Variants in SMARCC1 observed in about 807,000 individuals in gnomAD.
The protein encoded by SMARCC1 is SWI/SNF related BAF chromatin remodeling complex subunit C1.
In SMARCC1, 43 loss-of-function variants were observed where a neutral mutation model predicts 147.4. That is an observed-to-expected ratio of 0.29 (90% CI 0.23 to 0.38). The LOEUF is 0.38. Among genes scored for constraint, SMARCC1 ranks in the 10% least tolerant of loss-of-function variants. The pLI is 1.00. For missense variants in SMARCC1, 1,119 were observed against 1,381.1 expected, an observed-to-expected ratio of 0.81 and a Z score of 3.01; for synonymous variants, 495 against 484.4, an observed-to-expected ratio of 1.02 and a Z score of -0.29.
At chr3:47,707,997 TTATGAGTATG>T (rs1418354973) in intron 9 of SMARCC1, among the ~76,000 whole-genome samples, 1 of 151,388 alleles carries the variant, frequency 6.6e-6, no homozygotes, top group Non-Finnish European at 1.5e-5. Context: ...CTTAAACACC[TTATGAGTATG>T]TAATAGCAGT....
intron 8 of SMARCC1, 105 bp from the exon 9 acceptor site, chr3:47,710,913 G>C: frequency 2.6e-6 from 2 of 773,400 alleles, no homozygotes; most frequent in Non-Finnish European, 4.0e-6. Context: ...AGCCTCAAAT[G>C]CATAAAACAT....
intron 9 of SMARCC1, among the ~76,000 whole-genome samples, chr3:47,707,633 G>A (rs1299356770): frequency 6.6e-6 from 1 of 152,102 alleles, no homozygotes. Flanking sequence ...CAGCACTTTG[G>A]GAGGCCGAGG....
chr3:47,777,347 T>C (rs1393213496), intron 1 of SMARCC1, among the ~76,000 whole-genome samples: 2 of 151,658 alleles, frequency 1.3e-5, no homozygotes, highest in Admixed American at 6.6e-5. Context: ...CCTCCCAAAG[T>C]GCTGGGATTA....
chr3:47,767,442 G>A (rs2034853809), intron 2 of SMARCC1, among the ~76,000 whole-genome samples: 1 of 132,014 alleles, frequency 7.6e-6, no homozygotes, highest in Non-Finnish European at 1.6e-5. Context: ...GTTTCTCCAT[G>A]TTGGTCAGGC....
rs558246861 is a variant in SMARCC1 at position 47,731,418 on chromosome 3, CA to C, written c.577-2325del. Among the ~76,000 whole-genome samples the C allele has an allele frequency of 6.6e-5, 10 of 152,252 alleles. No individual in the cohort carries two copies. The South Asian group carries it at 1.9e-3, about 28-fold the overall frequency. ...CATGAGGGTCACAATCCACGTCTTC[CA>C]AACTTGTTACTGTTGATATTTTGAC... On this transcript the variant is annotated intron_variant, in intron 5 of 27. Transcript: ENST00000254480.
intron 18 of SMARCC1, among the ~76,000 whole-genome samples, chr3:47,674,807 TTA>T (rs1396077692): frequency 6.6e-6 from 1 of 152,176 alleles, no homozygotes; most frequent in East Asian, 1.9e-4. Flanking sequence ...TTTTTAGCCA[TTA>T]TATATTCAAG....
intron 21 of SMARCC1, among the ~76,000 whole-genome samples, chr3:47,647,394 C>T (rs576899894): frequency 3.3e-5 from 5 of 152,216 alleles, no homozygotes; most frequent in Admixed American, 6.5e-5. Flanking sequence ...TGTAGGCTAA[C>T]GTAGATGTTC....
At chr3:47,778,890 A>G (rs1054315338) in intron 1 of SMARCC1, among the ~76,000 whole-genome samples, 1 of 151,904 alleles carries the variant, frequency 6.6e-6, no homozygotes. Flanking sequence ...CAGGAGGCTG[A>G]GGTGGGAGAA....
intron 1 of SMARCC1, among the ~76,000 whole-genome samples, chr3:47,779,642 C>A (rs143903995): frequency 6.6e-6 from 1 of 152,178 alleles, no homozygotes; most frequent in Non-Finnish European, 1.5e-5. Flanking sequence ...TGCTTTGTAG[C>A]CACTTCCCTA....
intron 26 of SMARCC1, among the ~76,000 whole-genome samples, chr3:47,606,974 C>CA (rs1175138508): frequency 6.6e-6 from 1 of 151,846 alleles, no homozygotes; most frequent in East Asian, 1.9e-4. Flanking sequence ...CTTGGCCTCG[C>CA]AAAGTGCTGG....
chr3:47,614,318 C>A (rs1369209704), intron 25 of SMARCC1, among the ~76,000 whole-genome samples: 1 of 152,158 alleles, frequency 6.6e-6, no homozygotes, highest in Non-Finnish European at 1.5e-5. Context: ...CTTCTTGAGG[C>A]CACAAGTCTT....
intron 26 of SMARCC1, among the ~76,000 whole-genome samples, chr3:47,596,226 G>T (rs1017029879): frequency 4.6e-5 from 7 of 152,156 alleles, no homozygotes; most frequent in African/African-American, 1.7e-4. Context: ...AGAGAAGCTT[G>T]AACCTAATTT....
At chr3:47,590,004 G>C (rs1323656123) in intron 27 of SMARCC1, among the ~76,000 whole-genome samples, 1 of 152,180 alleles carries the variant, frequency 6.6e-6, no homozygotes, top group Non-Finnish European at 1.5e-5. Context: ...TGGAGTAAAA[G>C]GCAGGCCAGG....
intron 14 of SMARCC1, among the ~76,000 whole-genome samples, chr3:47,683,715 C>T (rs929031838): frequency 1.3e-5 from 2 of 151,860 alleles, no homozygotes; most frequent in Admixed American, 1.3e-4. Context: ...CAGACTGAGA[C>T]TCCGTCTCAA....
Position 47,638,787 on chromosome 3 carries a change from G to T in SMARCC1, c.2321-7C>A. ...TTTTCCTCTTCAGCTCCTTCTACAAGTAAAAGAATAAGAACAAGTACTCCA... is the reference window on the plus strand; with the variant it reads ...TTTTCCTCTTCAGCTCCTTCTACAATTAAAAGAATAAGAACAAGTACTCCA... On this transcript the variant is annotated splice_region_variant and splice_polypyrimidine_tract_variant and intron_variant, in intron 21 of 27. Transcript: ENST00000254480. The T allele has an allele frequency of 6.2e-7, 1 of 1,605,400 alleles. No homozygotes were observed. Among genetic ancestry groups the T allele is most frequent in the Non-Finnish European group, 8.5e-7 (1 of 1,172,122 alleles).
chr3:47,771,712 C>G (rs2034916398), intron 2 of SMARCC1, among the ~76,000 whole-genome samples: 1 of 152,060 alleles, frequency 6.6e-6, no homozygotes, highest in Non-Finnish European at 1.5e-5. Context: ...CCACTGCACT[C>G]CAGCCTGGGC....
chr3:47,764,155 A>G (rs2034808244), intron 2 of SMARCC1, among the ~76,000 whole-genome samples: 1 of 152,148 alleles, frequency 6.6e-6, no homozygotes, highest in Admixed American at 6.6e-5. Context: ...CTCCTGGGTC[A>G]GCTCCCAAGT....
At chr3:47,619,865 A>C (rs139993209) in intron 25 of SMARCC1, among the ~76,000 whole-genome samples, 1 of 152,186 alleles carries the variant, frequency 6.6e-6, no homozygotes, top group African/African-American at 2.4e-5. Context: ...CTTAGGACAA[A>C]ATGGATATGG....
chr3:47,751,327 G>C (rs1030280769), intron 2 of SMARCC1, among the ~76,000 whole-genome samples: 1 of 152,084 alleles, frequency 6.6e-6, no homozygotes, highest in Non-Finnish European at 1.5e-5. Context: ...CTGATCACGA[G>C]GTAAGGAGTT....
Sources: gnomAD v4.1 joint callset for allele counts (sites outside exome capture counted in the v4.1 genomes callset) on GRCh38, gnomAD v4.1.1 for gene constraint, MANE v1.5 for transcripts, NCBI Gene and HGNC (gene_info 2026-07-23, HGNC 2026-07-21) for gene names.